SMIM35: variants seen among roughly 807,000 people sequenced by gnomAD.
The protein encoded by SMIM35 is small integral membrane protein 35.
chr11:118,024,725 A>G (rs1164385083), intron 1 of SMIM35, among the ~76,000 whole-genome samples: 1 of 152,128 alleles, frequency 6.6e-6, no homozygotes, highest in African/African-American at 2.4e-5. Context: ...TGCCCACCTC[A>G]GCCTCTCAAA....
chr11:118,046,600 G>A (rs549034321), intron 1 of SMIM35, among the ~76,000 whole-genome samples: 44 of 152,304 alleles, frequency 2.9e-4, no homozygotes, highest in Non-Finnish European at 6.0e-4. Flanking sequence ...GCAAGTCAGG[G>A]CAGGTATAGA....
chr11:118,075,461 C>A (rs766954597), intron 1 of SMIM35, among the ~76,000 whole-genome samples: 1 of 152,176 alleles, frequency 6.6e-6, no homozygotes, highest in Non-Finnish European at 1.5e-5. Context: ...CCATATTATC[C>A]CAAACCATGA....
rs548284100 is a variant in SMIM35, at chr11:118,034,143, C to T, written c.8-18334G>A. Among the ~76,000 whole-genome samples, 7 of 152,040 alleles carry T rather than the reference C, an allele frequency of 4.6e-5. No homozygotes were observed. The East Asian group carries it at 1.2e-3, about 25-fold the overall frequency. On this transcript the variant is annotated intron_variant, in intron 1 of 4. Coordinates refer to ENST00000689828, the MANE Select transcript of SMIM35 (RefSeq NM_001394165.1). The stretch of plus-strand genomic sequence containing the variant: ...ATTAGCCCAGGCATGATGACAAGCA[C>T]CTGTAATCCCAGCTATTCAGGAGGC...
intron 4 of SMIM35, among the ~76,000 whole-genome samples, chr11:118,011,446 C>T (rs1310111206): frequency 6.6e-6 from 1 of 152,190 alleles, no homozygotes; most frequent in East Asian, 1.9e-4. Context: ...AATCCCAGCA[C>T]TTTGGGAGGC....
intron 1 of SMIM35, among the ~76,000 whole-genome samples, chr11:118,050,237 G>A (rs531365798): frequency 6.6e-6 from 1 of 152,372 alleles, no homozygotes; most frequent in South Asian, 2.1e-4. Flanking sequence ...TAATGGAAGA[G>A]GAAAAGGGCC....
At chr11:118,012,587 A>G (rs1229968151) in intron 4 of SMIM35, among the ~76,000 whole-genome samples, 2 of 152,178 alleles carry the variant, frequency 1.3e-5, no homozygotes, top group African/African-American at 4.8e-5. Context: ...CGACAAGAAC[A>G]TGTTTCTAGA....
intron 1 of SMIM35, among the ~76,000 whole-genome samples, chr11:118,067,804 C>T (rs1358927004): frequency 1.4e-5 from 2 of 140,462 alleles, no homozygotes; most frequent in Non-Finnish European, 3.1e-5. Context: ...TGCACTCCAG[C>T]TTGGGCAACA....
chr11:118,053,522 C>T (rs1944255717), intron 1 of SMIM35, among the ~76,000 whole-genome samples: 1 of 152,198 alleles, frequency 6.6e-6, no homozygotes, highest in Admixed American at 6.5e-5. Context: ...TCCTTGGATT[C>T]CTTATTCAAC....
intron 1 of SMIM35, among the ~76,000 whole-genome samples, chr11:118,042,315 AAGAAAT>A (rs1944018764): frequency 2.0e-5 from 3 of 152,252 alleles, no homozygotes; most frequent in African/African-American, 7.2e-5. Flanking sequence ...CAAACATAAT[AAGAAAT>A]ACAATGAACA....
At chr11:118,014,663 A>G in intron 3 of SMIM35, 45 bp downstream of exon 3, 1 of 398,632 alleles carries the variant, frequency 2.5e-6, no homozygotes, top group East Asian at 3.6e-5. Context: ...CATTATATCT[A>G]CCCCCAACCC....
chr11:118,024,251 A>T (rs1197895411), intron 1 of SMIM35, among the ~76,000 whole-genome samples: 2 of 152,196 alleles, frequency 1.3e-5, no homozygotes, highest in Non-Finnish European at 1.5e-5. Context: ...GGTTGATATC[A>T]TAACTCTTTT....
chr11:118,051,790 A>G (rs1944218467), intron 1 of SMIM35, among the ~76,000 whole-genome samples: 1 of 151,864 alleles, frequency 6.6e-6, no homozygotes, highest in Admixed American at 6.5e-5. Flanking sequence ...ATTTTCCTGT[A>G]CTGGTGCCCC....
At chr11:118,041,986 G>T (rs1181096777) in intron 1 of SMIM35, among the ~76,000 whole-genome samples, 1 of 150,982 alleles carries the variant, frequency 6.6e-6, no homozygotes, top group Non-Finnish European at 1.5e-5. Flanking sequence ...GGGAGGTGGA[G>T]GTTGCAGTGA....
chr11:118,013,574 C>T (rs952311220), intron 4 of SMIM35, 174 bp downstream of exon 4: 8 of 374,782 alleles, frequency 2.1e-5, no homozygotes, highest in Admixed American at 1.8e-4. Flanking sequence ...GTGCCAGAAG[C>T]GGGTGGGGGA....
chr11:118,071,765 C>T (rs77820696), intron 1 of SMIM35, among the ~76,000 whole-genome samples: 1 of 152,172 alleles, frequency 6.6e-6, no homozygotes, highest in African/African-American at 2.4e-5. Flanking sequence ...TAGCCTCTAC[C>T]CACTCCTGAG....
intron 3 of SMIM35, among the ~76,000 whole-genome samples, 167 bp downstream of exon 3, chr11:118,014,541 C>A (rs1353117687): frequency 6.6e-6 from 1 of 152,118 alleles, no homozygotes; most frequent in Non-Finnish European, 1.5e-5. Context: ...AATTTTAATT[C>A]ATGGGACTTT....
At chr11:118,052,350 G>A (rs933091438) in intron 1 of SMIM35, among the ~76,000 whole-genome samples, 2 of 152,120 alleles carry the variant, frequency 1.3e-5, no homozygotes, top group African/African-American at 4.8e-5. Context: ...CTGCAAGCGG[G>A]GAGCTGCTGA....
intron 4 of SMIM35, among the ~76,000 whole-genome samples, chr11:118,007,596 A>C (rs978286841): frequency 2.0e-5 from 3 of 152,114 alleles, no homozygotes; most frequent in African/African-American, 7.2e-5. Context: ...GGGTTTCACC[A>C]TGTTGGCCAG....
chr11:118,024,871 G>A (rs7945602), intron 1 of SMIM35, among the ~76,000 whole-genome samples: 14,590 of 152,134 alleles, frequency 0.096, 978 homozygotes, highest in East Asian at 0.37. Context: ...CCCATTACCC[G>A]GGTAGTGAGC....
Sources: allele counts gnomAD v4.1 joint callset (sites outside exome capture counted in the v4.1 genomes callset), GRCh38; gene constraint gnomAD v4.1.1; transcripts MANE v1.5; gene names NCBI Gene and HGNC (gene_info 2026-07-23, HGNC 2026-07-21).